RB1: variants seen among roughly 807,000 people sequenced by gnomAD.
The protein encoded by RB1 is retinoblastoma-associated protein.
A neutral mutation model predicts 135.4 loss-of-function variants in RB1; 18 were observed. That is an observed-to-expected ratio of 0.13 (90% CI 0.09 to 0.20). RB1 has a LOEUF of 0.20. Among genes scored for constraint, RB1 ranks in the 10% least tolerant of loss-of-function variants. The pLI is 1.00. For missense variants in RB1, 868 were observed against 1,110.0 expected (o/e 0.78, Z 3.10); for synonymous variants, 365 against 373.2 (o/e 0.98, Z 0.25).
At chr13:48,392,111 TC>T (rs1267563563) in intron 17 of RB1, among the ~76,000 whole-genome samples, 1 of 152,090 alleles carries the variant, frequency 6.6e-6, no homozygotes, top group Non-Finnish European at 1.5e-5. Context: ...TTGCCTTGTT[TC>T]TTTTTTTCTT....
At chr13:48,374,505 A>T (rs1449842872) in intron 12 of RB1, among the ~76,000 whole-genome samples, 1 of 152,214 alleles carries the variant, frequency 6.6e-6, no homozygotes, top group Non-Finnish European at 1.5e-5. Flanking sequence ...ATGTTCCCCC[A>T]GGAATTAGCA....
intron 17 of RB1, among the ~76,000 whole-genome samples, chr13:48,400,361 T>C (rs1289947926): frequency 1.3e-5 from 2 of 152,120 alleles, no homozygotes; most frequent in African/African-American, 2.4e-5. Context: ...ACAAAACTGG[T>C]TGGTGACAGA....
At chr13:48,462,867 T>C (rs997480349) in intron 20 of RB1, among the ~76,000 whole-genome samples, 2 of 152,208 alleles carry the variant, frequency 1.3e-5, no homozygotes, top group Admixed American at 1.3e-4. Flanking sequence ...TCATTGACAG[T>C]TGTCAAAAAA....
In RB1 at chr13:48,345,155, G is replaced by A. The variant is rs2138087612; in HGVS notation, c.456G>A (p.Leu152=). The A allele has an allele frequency of 6.2e-7, 1 of 1,612,834 alleles. No individual in the cohort carries two copies. The highest frequency in any genetic ancestry group is 8.5e-7 in the Non-Finnish European group (1 of 1,179,554). Residue 152 remains leucine (L), a synonymous_variant, in exon 4 of 27, where the codon TTG becomes TTA. Transcript: ENST00000267163. ...TTGATAATGCTATGTCAAGACTGTTGAAGAAGTATGATGTATTGTTTGCAC... is the reference window on the plus strand; with the variant it reads ...TTGATAATGCTATGTCAAGACTGTTAAAGAAGTATGATGTATTGTTTGCAC... ...TKVDNAMSRL[L]KKYDVLFALF...
At chr13:48,434,040 G>A (rs1436146880) in intron 17 of RB1, among the ~76,000 whole-genome samples, 1 of 151,490 alleles carries the variant, frequency 6.6e-6, no homozygotes, top group African/African-American at 2.4e-5. Context: ...TTTATTTAAA[G>A]GTTACAAGAA....
At position 48,304,064 on chromosome 13, in the gene RB1, C is replaced by A. The variant is rs763972315; in HGVS notation, c.137+15C>A. ...CCTCTCGTCAGGTGAGCGAGCAGAG[C>A]CGCCGTCGCCTCACGCGGGAAGGGC... On this transcript the variant is annotated intron_variant, in intron 1 of 26. Transcript: ENST00000267163. The A allele has an allele frequency of 1.4e-6, 2 of 1,408,808 alleles. No homozygotes were observed. Among genetic ancestry groups the A allele is most frequent in the South Asian group, 1.5e-5 (1 of 66,018 alleles). The allele number at this position is 1,408,808 out of a possible 1,614,324, so 87.3% of individuals were successfully genotyped here.
chr13:48,478,424 T>G (rs1949517103), intron 26 of RB1, among the ~76,000 whole-genome samples: 1 of 152,202 alleles, frequency 6.6e-6, no homozygotes. Context: ...TAGTTGCATC[T>G]TTTCCCCTCA....
At chr13:48,336,934 T>C (rs1338104560) in intron 2 of RB1, among the ~76,000 whole-genome samples, 1 of 152,242 alleles carries the variant, frequency 6.6e-6, no homozygotes, top group Non-Finnish European at 1.5e-5. Context: ...TTCATTTCGT[T>C]ATGTACCCAG....
intron 2 of RB1, chr13:48,317,023 C>T: frequency 3.4e-6 from 2 of 591,130 alleles, no homozygotes; most frequent in Non-Finnish European, 5.5e-6. Flanking sequence ...TCCTCCGAGC[C>T]CGAGTTCCTC....
At chr13:48,378,525 T>G (rs1391470908) in intron 13 of RB1, among the ~76,000 whole-genome samples, 2 of 152,018 alleles carry the variant, frequency 1.3e-5, no homozygotes, top group Non-Finnish European at 2.9e-5. Context: ...ATGATGATGA[T>G]GCTATCTTCT....
At chr13:48,423,272 T>C (rs1295218984) in intron 17 of RB1, among the ~76,000 whole-genome samples, 1 of 152,210 alleles carries the variant, frequency 6.6e-6, no homozygotes, top group Non-Finnish European at 1.5e-5. Context: ...TTTTTGTTTT[T>C]GTTTTTGTTT....
chr13:48,390,685 T>C (rs1948604741), intron 17 of RB1, among the ~76,000 whole-genome samples: 1 of 152,202 alleles, frequency 6.6e-6, no homozygotes, highest in South Asian at 2.1e-4. Flanking sequence ...TTGATGAATT[T>C]ACCTCTTTAA....
At chr13:48,325,415 T>C (rs1244607718) in intron 2 of RB1, among the ~76,000 whole-genome samples, 6 of 152,042 alleles carry the variant, frequency 3.9e-5, no homozygotes, top group Non-Finnish European at 5.9e-5. Flanking sequence ...ATTTTAATTT[T>C]ACCCAATTGA....
At chr13:48,452,417 G>A (rs1426459119) in intron 17 of RB1, among the ~76,000 whole-genome samples, 1 of 151,938 alleles carries the variant, frequency 6.6e-6, no homozygotes, top group East Asian at 1.9e-4. Context: ...TTTTTATTGA[G>A]TTTTGGTAAT....
At chr13:48,370,842 G>A (rs989366763) in intron 11 of RB1, among the ~76,000 whole-genome samples, 13 of 152,186 alleles carry the variant, frequency 8.5e-5, no homozygotes, top group Admixed American at 6.5e-4. Flanking sequence ...GGGGCTGAAG[G>A]TTCCAACCCT....
At chr13:48,477,717 T>G (rs1395830322) in intron 26 of RB1, among the ~76,000 whole-genome samples, 1 of 152,160 alleles carries the variant, frequency 6.6e-6, no homozygotes, top group Non-Finnish European at 1.5e-5. Context: ...GAGGAGCTAT[T>G]TGGGAGTGTT....
chr13:48,474,031 C>T (rs1183193635), intron 24 of RB1, among the ~76,000 whole-genome samples: 1 of 152,074 alleles, frequency 6.6e-6, no homozygotes, highest in African/African-American at 2.4e-5. Flanking sequence ...TACAAATGAA[C>T]AGCCAGATGA....
At chr13:48,349,942 A>G (rs1454163540) in intron 6 of RB1, among the ~76,000 whole-genome samples, 1 of 152,152 alleles carries the variant, frequency 6.6e-6, no homozygotes, top group Non-Finnish European at 1.5e-5. Flanking sequence ...GTAAGGACAA[A>G]GAAGGTCATT....
rs1436437580 is a variant in RB1, at chr13:48,368,523, T to G, written c.1050-4T>G. On this transcript the variant is annotated splice_region_variant and splice_polypyrimidine_tract_variant and intron_variant, in intron 10 of 26. Transcript: ENST00000267163. ...TGTGAATGACTTCACTTATTGTTAT[T>G]TAGTTTTGAAACACAGAGAACACCA... 6.2e-7 allele frequency: 1 copy of G among 1,613,102 alleles called. No homozygotes were observed. Among genetic ancestry groups the G allele is most frequent in the Non-Finnish European group, 8.5e-7 (1 of 1,179,554 alleles).
Sources: allele counts gnomAD v4.1 joint callset (sites outside exome capture counted in the v4.1 genomes callset), GRCh38; gene constraint gnomAD v4.1.1; transcripts MANE v1.5; gene names NCBI Gene and HGNC (gene_info 2026-07-23, HGNC 2026-07-21).